SETD1B: variants seen among roughly 807,000 people sequenced by gnomAD.
SETD1B encodes SET domain containing 1B, histone lysine methyltransferase.
In SETD1B, 7 loss-of-function variants were observed where a neutral mutation model predicts 148.0. The observed-to-expected ratio is 0.05, with a 90% CI of 0.03 to 0.09. The LOEUF (loss-of-function observed/expected upper bound fraction) is 0.09, where lower values mean the gene tolerates loss of function less well. SETD1B is among the 10% of genes least tolerant of loss of function. SETD1B has a pLI of 1.00. For synonymous variants in SETD1B, 1,361 were observed against 1,186.5 expected (o/e 1.15, Z -3.02); for missense variants, 2,155 against 2,729.9 (o/e 0.79, Z 4.69).
chr12:121,812,781 T>C (rs1285363429), intron 6 of SETD1B, among the ~76,000 whole-genome samples: 1 of 152,050 alleles, frequency 6.6e-6, no homozygotes, highest in Admixed American at 6.5e-5. Flanking sequence ...TGTGTGTGTG[T>C]ATGTGTGCAC....
rs976792046 is a variant in SETD1B at position 121,809,777 on chromosome 12, C to T, written c.832C>T (p.Arg278Cys). The T allele has an allele frequency of 3.2e-6, 5 of 1,551,438 alleles. No homozygotes were observed. Among genetic ancestry groups the T allele is most frequent in the African/African-American group, 2.7e-5 (2 of 73,034 alleles). Residue 278 changes from arginine (R) to cysteine (C), a missense_variant, in exon 6 of 17, where the codon CGC (arginine) becomes TGC (cysteine). Physicochemically the swap from Arg to Cys is radical, Grantham distance 180 (BLOSUM62 -3). Coordinates refer to ENST00000604567, the MANE Select transcript of SETD1B (RefSeq NM_001353345.2). ...SYGQGTPLTP[R>C]LGTPFSQDSS... ...TGGACAGGGCACCCCGCTCACACCG[C>T]GCCTGGGCACCCCTTTCTCACAGGA... is the stretch of plus-strand genomic sequence containing the variant.
In SETD1B at chr12:121,830,842, C is replaced by T. The variant is rs1452903825; in HGVS notation, c.*603C>T. The T allele has an allele frequency of 6.6e-6, 1 of 152,308 alleles. No homozygotes were observed. The highest frequency in any genetic ancestry group is 1.9e-4 in the East Asian group (1 of 5,154). The allele number at this position is 152,308 out of a possible 1,614,324, so 9.4% of individuals were successfully genotyped here. The stretch of plus-strand genomic sequence containing the variant: ...ACGCCCTGAAAGCGCCCCTCACTGC[C>T]CGTGGGCACAGTGAGGAGACCCCAC... On this transcript the variant is annotated 3_prime_UTR_variant, in exon 17 of 17. Coordinates refer to ENST00000604567, the MANE Select transcript of SETD1B (RefSeq NM_001353345.2). This position sits in a 1 kb window ranked among gnomAD's most constrained non-coding sequence, Gnocchi z 5.7.
chr12:121,814,534 G>C lies in SETD1B; in HGVS notation c.2319G>C (p.Met773Ile). 6.7e-7 allele frequency: 1 copy of C among 1,484,898 alleles called. No homozygotes were observed. The highest frequency in any genetic ancestry group is 9.0e-7 in the Non-Finnish European group (1 of 1,111,924). 92.0% of individuals were successfully genotyped at this position (1,484,898 alleles called of 1,614,324 possible). A position where few individuals can be genotyped will look rare whatever the true frequency, so the allele number is the denominator to read the frequency against. The change falls in exon 7 of 17, where the codon ATG (methionine) becomes ATC (isoleucine). Residue 773 changes from methionine to isoleucine, a missense_variant. Physicochemically the swap from Met to Ile is conservative, Grantham distance 10. Transcript: ENST00000604567. The part of the protein sequence containing the change: ...VLGGQWGGMP[M>I]SFQMQTQVLS... ...GTGGCCAGTGGGGCGGCATGCCCAT[G>C]TCCTTCCAGATGCAAACGCAGGTGC...
chr12:121,822,854 A>G lies in SETD1B; in HGVS notation c.4275A>G (p.Thr1425=), dbSNP rs1876633583. 2 of 1,486,810 alleles carry G rather than the reference A, an allele frequency of 1.3e-6. No individual in the cohort carries two copies. The highest frequency in any genetic ancestry group is 1.8e-6 in the Non-Finnish European group (2 of 1,113,198). 92.1% of individuals were successfully genotyped at this position (1,486,810 alleles called of 1,614,324 possible). A position where few individuals can be genotyped will look rare whatever the true frequency, so the allele number is the denominator to read the frequency against. ...PSLSSGGLPR[T]PGRDFSFTPT... ...TGAGCAGTGGGGGCCTCCCTCGGAC[A>G]CCTGGCCGGGACTTCAGCTTCACAC... The change falls in exon 12 of 17, where the codon ACA becomes ACG. Residue 1425 remains threonine (T), a synonymous_variant. Transcript: ENST00000604567.
chr12:121,817,444 G>C lies in SETD1B; in HGVS notation c.3052G>C (p.Gly1018Arg). 2 of 1,546,744 alleles carry C rather than the reference G, an allele frequency of 1.3e-6. No homozygotes were observed. The highest frequency in any genetic ancestry group is 8.7e-7 in the Non-Finnish European group (1 of 1,143,518). The change falls in exon 9 of 17, where the codon GGT (glycine) becomes CGT (arginine). Residue 1018 changes from glycine (G) to arginine (R), a missense_variant. By Grantham distance (125) the Gly-to-Arg change is moderately radical. This residue lies in a region of SETD1B where 289 missense variants were observed against 423.7 expected (regional missense o/e 0.68). Coordinates refer to ENST00000604567, the MANE Select transcript of SETD1B (RefSeq NM_001353345.2). The surrounding 1 kb of genome is among the most constrained non-coding windows in gnomAD (Gnocchi z 8.1). ...ELAKRDPKGV[G>R]VRRRPARPLE... ...CGCCAAGCGGGACCCCAAGGGCGTG[G>C]GTGTGCGGCGGCGGCCGGCGCGGCC...
At chr12:121,813,018 CA>C (rs1876115418) in intron 6 of SETD1B, among the ~76,000 whole-genome samples, 1 of 152,116 alleles carries the variant, frequency 6.6e-6, no homozygotes, top group African/African-American at 2.4e-5. Context: ...CCTAAAGCCC[CA>C]CGCCCATCCT....
chr12:121,819,670 G>A lies in SETD1B; in HGVS notation c.3685G>A (p.Gly1229Ser), dbSNP rs370976036. Residue 1229 changes from glycine (G) to serine (S), a missense_variant, in exon 11 of 17, where the codon GGC (glycine) becomes AGC (serine). Gly to Ser is a moderately conservative substitution (Grantham distance 56). Transcript: ENST00000604567. ...GGGGGCACCTGCAGTGGACTCGTTG[G>A]GCATGGAAGAGGAGGTGGACATCGA... is the stretch of plus-strand genomic sequence containing the variant. ...APGAPAVDSL[G>S]MEEEVDIETE... The A allele has an allele frequency of 1.3e-5, 20 of 1,551,384 alleles. No homozygotes were observed. The highest frequency in any genetic ancestry group is 9.8e-5 in the East Asian group (4 of 40,916).
rs1353986977 is a variant in SETD1B, at chr12:121,821,448, AAAAG to A, written c.3911-1034_3911-1031del. On this transcript the variant is annotated intron_variant, in intron 11 of 16. Coordinates refer to ENST00000604567, the MANE Select transcript of SETD1B (RefSeq NM_001353345.2). ...AGTGAGACTGTCTTAAAAAAAAAAA[AAAAG>A]AAAGAAAAAGAAATGTGCCGGGCGC... Among the ~76,000 whole-genome samples the A allele has an allele frequency of 4.9e-4, 74 of 151,130 alleles. 1 individual carries two copies. In the South Asian group the frequency reaches 9.6e-3, roughly 20 times the overall value.
intron 13 of SETD1B, 113 bp downstream of exon 13, chr12:121,825,479 G>A (rs1876795851): frequency 1.0e-6 from 1 of 978,458 alleles, no homozygotes; most frequent in Non-Finnish European, 1.5e-6. Context: ...CAGAGGGGCT[G>A]GCACACAGAG....
upstream of SETD1B, chr12:121,799,828 G>C (rs1227591638): frequency 6.6e-6 from 1 of 151,508 alleles, no homozygotes; most frequent in African/African-American, 2.4e-5. Context: ...TCACGGTCTG[G>C]GCAAGTACTC....
chr12:121,801,952 T>G (rs1875387758), upstream of SETD1B: 1 of 152,182 alleles, frequency 6.6e-6, no homozygotes, highest in African/African-American at 2.4e-5. Flanking sequence ...TGGAACCAGC[T>G]AGGACTTGTT....
rs1199723580 is a variant in SETD1B at position 121,809,849 on chromosome 12, C to G, written c.904C>G (p.Gln302Glu). 1 of 1,551,530 alleles carries G rather than the reference C, an allele frequency of 6.4e-7. No individual in the cohort carries two copies. The highest frequency in any genetic ancestry group is 8.7e-7 in the Non-Finnish European group (1 of 1,146,998). The change falls in exon 6 of 17, where the codon CAG becomes GAG. Residue 302 changes from glutamine to glutamate, a missense_variant. Gln to Glu is a conservative substitution (Grantham distance 29). Around this residue, in one of 11 missense-constraint regions of SETD1B, gnomAD observed 376 missense variants for 385.0 expected, o/e 0.98. Transcript: ENST00000604567. ...GCCCACACCCTCATACCTCTTCAGC[C>G]AGGACCCTGCAGTGACCTTCAAGGC... ...RQPTPSYLFS[Q>E]DPAVTFKARR...
chr12:121,798,854 ACT>A, the SETD1B span, among the ~76,000 whole-genome samples: 1 of 152,202 alleles, frequency 6.6e-6, no homozygotes, highest in Non-Finnish European at 1.5e-5. Flanking sequence ...CTTCTTAGAC[ACT>A]GAGATGGGAA....
chr12:121,805,741 G>C lies in SETD1B; in HGVS notation c.274-94G>C. On this transcript the variant is annotated intron_variant, in intron 3 of 16. Transcript: ENST00000604567. This position sits in a 1 kb window ranked among gnomAD's most constrained non-coding sequence, Gnocchi z 4.2. The stretch of plus-strand genomic sequence containing the variant: ...TTTTTTACCCTTTATTGTTTTCAAC[G>C]GGTGGGCGAGTTGCGGGCGGGGCGG... The C allele has an allele frequency of 3.2e-6, 4 of 1,240,220 alleles. No homozygotes were observed. Among genetic ancestry groups the C allele is most frequent in the Non-Finnish European group, 2.2e-6 (2 of 915,638 alleles). 76.8% of individuals were successfully genotyped at this position (1,240,220 alleles called of 1,614,324 possible).
the SETD1B span, among the ~76,000 whole-genome samples, chr12:121,790,488 C>G: frequency 1.3e-5 from 2 of 152,254 alleles, no homozygotes; most frequent in Non-Finnish European, 1.5e-5. Context: ...TCATCTCCGG[C>G]ATTCGGATCC....
intron 10 of SETD1B, 87 bp from the exon 11 acceptor site, chr12:121,819,317 C>T (rs1876451117): frequency 2.0e-6 from 3 of 1,524,636 alleles, no homozygotes; most frequent in African/African-American, 1.4e-5. Flanking sequence ...CTGGGTGCCA[C>T]CAGTTTGAGG....
chr12:121,817,546 T>TCCTCGGGGTCCTCAACCACCTCAC lies in SETD1B; in HGVS notation c.3160_3183dup (p.Gly1054_Ser1061dup). On this transcript the variant is annotated inframe_insertion, in exon 9 of 17. Transcript: ENST00000604567. The surrounding 1 kb of genome is among the most constrained non-coding windows in gnomAD (Gnocchi z 8.1). The stretch of plus-strand genomic sequence containing the variant: ...GTCCTCGTCCTCATCCGCGTCATCA[T>TCCTCGGGGTCCTCAACCACCTCAC]CCTCGGGGTCCTCAACCACCTCACC... 6.4e-7 allele frequency: 1 copy of TCCTCGGGGTCCTCAACCACCTCAC among 1,551,502 alleles called. No individual in the cohort carries two copies. The highest frequency in any genetic ancestry group is 8.7e-7 in the Non-Finnish European group (1 of 1,146,894).
intron 11 of SETD1B, among the ~76,000 whole-genome samples, chr12:121,820,837 C>A (rs929792123): frequency 2.0e-5 from 3 of 152,130 alleles, no homozygotes; most frequent in Non-Finnish European, 4.4e-5. Context: ...CCGGTCCTAG[C>A]ACCTACCTTT....
chr12:121,793,667 C>G, the SETD1B span: 130 of 1,502,922 alleles, frequency 8.6e-5, no homozygotes, highest in African/African-American at 1.6e-3. Flanking sequence ...GGCGGCGCGC[C>G]GGGCACTAGC....
Sources: gnomAD v4.1 joint callset for allele counts (sites outside exome capture counted in the v4.1 genomes callset) on GRCh38, gnomAD v4.1.1 for gene constraint, gnomAD v4.1.1 regional missense constraint, Gnocchi (gnomAD v3.1) non-coding constraint, MANE v1.5 for transcripts, NCBI Gene and HGNC (gene_info 2026-07-23, HGNC 2026-07-21) for gene names.